Variants in TRIM5 observed in about 807,000 individuals in gnomAD.
TRIM5 encodes the protein tripartite motif containing 5, also known as tripartite motif-containing protein 5.
A neutral mutation model predicts 35.6 loss-of-function variants in TRIM5; 31 were observed. The observed-to-expected ratio is 0.87, with a 90% CI of 0.65 to 1.18. TRIM5 has a LOEUF of 1.18. Ranked by LOEUF, TRIM5 falls within the 50% of genes most tolerant of loss-of-function variation. The pLI is 0.00. For missense variants in TRIM5, 609 were observed against 591.6 expected (o/e 1.03, Z -0.31); for synonymous variants, 243 against 215.6 (o/e 1.13, Z -1.11).
intron 6 of TRIM5, 108 bp from the exon 7 acceptor site, chr11:5,665,790 G>A: frequency 7.1e-7 from 1 of 1,413,712 alleles, no homozygotes; most frequent in Non-Finnish European, 9.4e-7. Context: ...TGGTAGGGCA[G>A]TAAATTGCTG....
chr11:5,609,194 C>A, the TRIM5 span, among the ~76,000 whole-genome samples: 2 of 152,154 alleles, frequency 1.3e-5, no homozygotes, highest in African/African-American at 4.8e-5. Context: ...TGCTTGCACA[C>A]TTGGTTCCTC....
chr11:5,665,137 C>T lies in TRIM5; in HGVS notation c.1154G>A (p.Cys385Tyr). 6.2e-7 allele frequency: 1 copy of T among 1,614,036 alleles called. No individual in the cohort carries two copies. The highest frequency in any genetic ancestry group is 8.5e-7 in the Non-Finnish European group (1 of 1,179,984). The change falls in exon 8 of 8, where the codon TGT becomes TAT. Residue 385 changes from cysteine (C) to tyrosine (Y), a missense_variant. Cys to Tyr is a radical substitution (Grantham distance 194, BLOSUM62 -2). Transcript: ENST00000380034. ...ATAATTTTCATTTTTTTCAATATTACACATTGCATCAGGTTGGAAGCCAGC... is the reference window on the plus strand; with the variant it reads ...ATAATTTTCATTTTTTTCAATATTATACATTGCATCAGGTTGGAAGCCAGC... ...VCAGFQPDAM[C>Y]NIEKNENYQP... is the part of the protein sequence containing the mutation.
the TRIM5 span, chr11:5,655,664 G>A: frequency 9.1e-6 from 9 of 985,242 alleles, no homozygotes; most frequent in South Asian, 1.4e-4. Context: ...TGTTATGGAG[G>A]CTTCATCGGT....
At chr11:5,608,724 G>A in the TRIM5 span, among the ~76,000 whole-genome samples, 1 of 151,724 alleles carries the variant, frequency 6.6e-6, no homozygotes, top group African/African-American at 2.4e-5. Context: ...AAGAGTTGCA[G>A]TATCAGTGAC....
the TRIM5 span, among the ~76,000 whole-genome samples, chr11:5,652,592 G>A: frequency 3.9e-5 from 6 of 152,266 alleles, no homozygotes; most frequent in Admixed American, 3.9e-4. Flanking sequence ...TTGAAGTCAG[G>A]TAATTGATGC....
At chr11:5,651,625 G>A in the TRIM5 span, among the ~76,000 whole-genome samples, 2 of 152,122 alleles carry the variant, frequency 1.3e-5, no homozygotes, top group Non-Finnish European at 2.9e-5. Flanking sequence ...TGTCTTTATG[G>A]TAGAATGATT....
intron 5 of TRIM5, among the ~76,000 whole-genome samples, chr11:5,666,893 T>C (rs916033475): frequency 2.6e-5 from 4 of 152,186 alleles, no homozygotes; most frequent in African/African-American, 9.7e-5. Context: ...ACATCTGATT[T>C]TGGAAATCTA....
intron 4 of TRIM5, chr11:5,677,984 C>G (rs894249589): frequency 2.3e-6 from 1 of 437,630 alleles, no homozygotes; most frequent in African/African-American, 2.0e-5. Context: ...TGATCATCTC[C>G]ACTACGTCAA....
At chr11:5,642,676 G>C in the TRIM5 span, 1 of 1,318,176 alleles carries the variant, frequency 7.6e-7, no homozygotes, top group Non-Finnish European at 9.9e-7. Flanking sequence ...AAAATGGCTA[G>C]GTCTCTGGTT....
At chr11:5,641,154 C>A in the TRIM5 span, 2 of 1,611,578 alleles carry the variant, frequency 1.2e-6, no homozygotes, top group South Asian at 2.2e-5. Flanking sequence ...CATGTTTTCT[C>A]TTTTCTTTCT....
chr11:5,640,668 A>G, the TRIM5 span, among the ~76,000 whole-genome samples: 260 of 152,232 alleles, frequency 1.7e-3, 1 homozygote, highest in Admixed American at 2.5e-3. Flanking sequence ...CATGTAATCA[A>G]TTAGGAAGTG....
chr11:5,632,575 A>C, the TRIM5 span: 6 of 1,613,718 alleles, frequency 3.7e-6, no homozygotes, highest in Admixed American at 5.0e-5. Context: ...GGAGAGACTC[A>C]AGGAGGTCAA....
the TRIM5 span, among the ~76,000 whole-genome samples, chr11:5,619,091 C>G: frequency 6.6e-6 from 1 of 152,144 alleles, no homozygotes; most frequent in Non-Finnish European, 1.5e-5. Flanking sequence ...GGAAAAACGA[C>G]CAGCTTTGTG....
At chr11:5,634,661 C>T in the TRIM5 span, 1 of 1,613,562 alleles carries the variant, frequency 6.2e-7, no homozygotes, top group Non-Finnish European at 8.5e-7. Context: ...ACAAAGGATA[C>T]AAACAGAATT....
At chr11:5,661,344 A>G (rs750232145), downstream of TRIM5, among the ~76,000 whole-genome samples, 4 of 151,978 alleles carry the variant, frequency 2.6e-5, no homozygotes, top group Non-Finnish European at 4.4e-5. Flanking sequence ...CTCCCTTTGA[A>G]TCTTAGAATT....
At chr11:5,605,366 C>T in the TRIM5 span, 3 of 1,614,112 alleles carry the variant, frequency 1.9e-6, no homozygotes, top group South Asian at 2.2e-5. Flanking sequence ...GATGCAGGAT[C>T]CAGACAGAGT....
the TRIM5 span, among the ~76,000 whole-genome samples, chr11:5,604,133 TG>T: frequency 2.0e-5 from 3 of 152,138 alleles, no homozygotes; most frequent in Non-Finnish European, 2.9e-5. Flanking sequence ...TAGCTAGGAC[TG>T]TAGGTGTGCA....
At chr11:5,665,726 T>A (rs373316442) in intron 6 of TRIM5, 44 bp from the exon 7 acceptor site, 48 of 1,471,558 alleles carry the variant, frequency 3.3e-5, no homozygotes, top group Non-Finnish European at 4.1e-5. Context: ...AACAAAGGAG[T>A]CAGCACTGAA....
the TRIM5 span, among the ~76,000 whole-genome samples, chr11:5,638,476 G>A: frequency 6.7e-6 from 1 of 149,500 alleles, no homozygotes; most frequent in East Asian, 2.0e-4. Context: ...TTATTTGGTT[G>A]TACACCAGCT....
Sources: gnomAD v4.1 joint callset for allele counts (sites outside exome capture counted in the v4.1 genomes callset) on GRCh38, gnomAD v4.1.1 for gene constraint, MANE v1.5 for transcripts, NCBI Gene and HGNC (gene_info 2026-07-23, HGNC 2026-07-21) for gene names.